Variants in TMEM178B observed in about 807,000 individuals in gnomAD.
TMEM178B encodes the protein transmembrane protein 178B.
TMEM178B carries 5 observed loss-of-function variants against 31.0 expected under a neutral mutation model. The observed-to-expected ratio is 0.16, with a 90% CI of 0.08 to 0.34. The LOEUF (loss-of-function observed/expected upper bound fraction) is 0.34. TMEM178B is among the 10% of genes least tolerant of loss of function. The pLI, the probability that TMEM178B is intolerant of heterozygous loss-of-function variation, is 1.00. For synonymous variants in TMEM178B, 164 were observed against 164.0 expected, an observed-to-expected ratio of 1.00 and a Z score of 0.00; for missense variants, 275 against 400.3, an observed-to-expected ratio of 0.69 and a Z score of 2.67.
chr7:141,436,672 G>T (rs1341154562), intron 2 of TMEM178B, among the ~76,000 whole-genome samples: 4 of 152,008 alleles, frequency 2.6e-5, no homozygotes, highest in Non-Finnish European at 5.9e-5. Context: ...AGGGTAGGGG[G>T]CTTGAGAGCA....
In TMEM178B at chr7:141,146,525, C is replaced by T. The variant is rs139394978; in HGVS notation, c.383-66066C>T. Among the ~76,000 whole-genome samples, 577 of 152,234 alleles carry T rather than the reference C, an allele frequency of 3.8e-3. 5 individuals are homozygous for T. The highest frequency in any genetic ancestry group is 0.011 in the African/African-American group (454 of 41,536). On this transcript the variant is annotated intron_variant, in intron 1 of 3. Transcript: ENST00000565468. The stretch of plus-strand genomic sequence containing the variant: ...TGCACCTTGTTACATCATGTATATA[C>T]AGAGTGTAATTATAGTATCTATCAT...
chr7:141,327,359 C>A (rs1261507039), intron 2 of TMEM178B, among the ~76,000 whole-genome samples: 1 of 152,138 alleles, frequency 6.6e-6, no homozygotes, highest in African/African-American at 2.4e-5. Context: ...CAAAACTGAG[C>A]AGAAGGAACA....
intron 1 of TMEM178B, among the ~76,000 whole-genome samples, chr7:141,155,843 T>C (rs1796060746): frequency 6.6e-6 from 1 of 152,096 alleles, no homozygotes; most frequent in East Asian, 1.9e-4. Flanking sequence ...GGCGGGTGGA[T>C]CACCTGAGGT....
At chr7:141,268,445 A>C (rs1038356551) in intron 2 of TMEM178B, among the ~76,000 whole-genome samples, 1 of 152,284 alleles carries the variant, frequency 6.6e-6, no homozygotes, top group Admixed American at 6.5e-5. Context: ...CATACACATC[A>C]ATTTGTGAGG....
At chr7:141,258,922 A>G (rs6963772) in intron 2 of TMEM178B, among the ~76,000 whole-genome samples, 66,822 of 151,994 alleles carry the variant, frequency 0.44, 14,930 homozygotes, top group East Asian at 0.67. Context: ...CACTTTGACT[A>G]TAATGAGCCT....
chr7:141,234,094 C>T (rs1221128756), intron 2 of TMEM178B, among the ~76,000 whole-genome samples: 3 of 152,190 alleles, frequency 2.0e-5, no homozygotes, highest in Non-Finnish European at 4.4e-5. Flanking sequence ...TGACTACTCT[C>T]TTTTGCCTGC....
chr7:141,279,940 C>T (rs1273719199), intron 2 of TMEM178B, among the ~76,000 whole-genome samples: 2 of 152,238 alleles, frequency 1.3e-5, no homozygotes, highest in South Asian at 2.1e-4. Context: ...ATACACAATA[C>T]TCTTTCAGTT....
intron 2 of TMEM178B, among the ~76,000 whole-genome samples, chr7:141,394,428 G>T (rs543286235): frequency 6.6e-6 from 1 of 152,234 alleles, no homozygotes; most frequent in African/African-American, 2.4e-5. Context: ...TTGAAGCCCA[G>T]CTCTGCCAGT....
chr7:141,148,793 G>T (rs538842668), intron 1 of TMEM178B, among the ~76,000 whole-genome samples: 1 of 152,172 alleles, frequency 6.6e-6, no homozygotes, highest in African/African-American at 2.4e-5. Flanking sequence ...GTAAGGAATC[G>T]AATTAAGAAA....
intron 2 of TMEM178B, among the ~76,000 whole-genome samples, chr7:141,391,412 G>T (rs1342139772): frequency 6.6e-6 from 1 of 151,942 alleles, no homozygotes; most frequent in Non-Finnish European, 1.5e-5. Flanking sequence ...TACCCGCCTC[G>T]GCATCCCAAA....
At chr7:141,221,751 G>A (rs1247904756) in intron 2 of TMEM178B, among the ~76,000 whole-genome samples, 3 of 152,320 alleles carry the variant, frequency 2.0e-5, no homozygotes, top group African/African-American at 7.2e-5. Context: ...GATGGGGAGG[G>A]CAGCAGGAAG....
At chr7:141,142,906 G>A (rs11974514) in intron 1 of TMEM178B, among the ~76,000 whole-genome samples, 9,243 of 152,148 alleles carry the variant, frequency 0.061, 945 homozygotes, top group African/African-American at 0.21. Flanking sequence ...CTTTTTAATA[G>A]TAGCCATTCT....
At position 141,474,315 on chromosome 7, in the gene TMEM178B, C is replaced by T. The variant is rs1461928952; in HGVS notation, c.*3529C>T. On this transcript the variant is annotated 3_prime_UTR_variant, in exon 4 of 4. Transcript: ENST00000565468. ...CTCTCTCTACTCACTCCTACTTTCT[C>T]CTGCATCAACTTTGGTCAATTAACA... 6.6e-6 allele frequency: 1 copy of T among 152,172 alleles called. No individual in the cohort carries two copies. Among genetic ancestry groups the T allele is most frequent in the Non-Finnish European group, 1.5e-5 (1 of 68,042 alleles). 9.4% of individuals were successfully genotyped at this position (152,172 alleles called of 1,614,324 possible). A position where few individuals can be genotyped will look rare whatever the true frequency, so the allele number is the denominator to read the frequency against.
At chr7:141,337,026 T>G (rs200425065) in intron 2 of TMEM178B, among the ~76,000 whole-genome samples, 1 of 25,436 alleles carries the variant, frequency 3.9e-5, no homozygotes, top group Non-Finnish European at 7.0e-5. Context: ...ATCACCACCA[T>G]CACCACCACC....
chr7:141,510,713 G>C, the TMEM178B span, among the ~76,000 whole-genome samples: 1 of 61,988 alleles, frequency 1.6e-5, no homozygotes, highest in South Asian at 4.7e-4. Flanking sequence ...AAAAAAAAAA[G>C]AAAAAAAAAG....
intron 2 of TMEM178B, among the ~76,000 whole-genome samples, chr7:141,294,506 T>G (rs117743618): frequency 0.025 from 3,878 of 152,310 alleles, 168 homozygotes; most frequent in East Asian, 0.15. Flanking sequence ...GAGACAAAGT[T>G]AGGCTCAGGG....
chr7:141,375,059 G>C (rs1292862006), intron 2 of TMEM178B, among the ~76,000 whole-genome samples: 1 of 152,226 alleles, frequency 6.6e-6, no homozygotes, highest in African/African-American at 2.4e-5. Flanking sequence ...CTTGGATACT[G>C]ACAGATACTT....
At chr7:141,294,964 G>C (rs1314717141) in intron 2 of TMEM178B, among the ~76,000 whole-genome samples, 1 of 152,176 alleles carries the variant, frequency 6.6e-6, no homozygotes, top group African/African-American at 2.4e-5. Flanking sequence ...TGATTTGTCA[G>C]AACTCTGCTT....
chr7:141,191,891 G>A (rs1796702495), intron 1 of TMEM178B, among the ~76,000 whole-genome samples: 1 of 152,064 alleles, frequency 6.6e-6, no homozygotes, highest in Non-Finnish European at 1.5e-5. Flanking sequence ...TAGTTACAAA[G>A]GCTTTCTTTC....
Sources: allele counts gnomAD v4.1 joint callset (sites outside exome capture counted in the v4.1 genomes callset), GRCh38; gene constraint gnomAD v4.1.1; transcripts MANE v1.5; gene names NCBI Gene and HGNC (gene_info 2026-07-23, HGNC 2026-07-21).